KYAT3: variants seen among roughly 807,000 people sequenced by gnomAD.
The protein encoded by KYAT3 is kynurenine--oxoglutarate transaminase 3.
KYAT3 carries 50 observed loss-of-function variants against 59.0 expected under a neutral mutation model. The observed-to-expected ratio is 0.85, with a 90% CI of 0.68 to 1.07. The LOEUF (loss-of-function observed/expected upper bound fraction) is 1.07, where lower values mean the gene tolerates loss of function less well. Ranked by LOEUF, KYAT3 falls within the 50% of genes least tolerant of loss-of-function variation. KYAT3 has a pLI of 0.00. For synonymous variants in KYAT3, 148 were observed against 177.0 expected, an observed-to-expected ratio of 0.84 and a Z score of 1.30; for missense variants, 497 against 533.3, an observed-to-expected ratio of 0.93 and a Z score of 0.67.
chr1:88,928,282 G>A, the KYAT3 span, among the ~76,000 whole-genome samples: 1 of 152,038 alleles, frequency 6.6e-6, no homozygotes, highest in Admixed American at 6.6e-5. Flanking sequence ...AAAAACTTCA[G>A]AAGTCCTCCT....
At position 88,953,171 on chromosome 1, in the gene KYAT3, A is replaced by G. The variant is rs1478071009; in HGVS notation, c.865-19T>C. The G allele has an allele frequency of 6.5e-7, 1 of 1,543,510 alleles. No individual in the cohort carries two copies. Among genetic ancestry groups the G allele is most frequent in the African/African-American group, 1.4e-5 (1 of 73,334 alleles). On this transcript the variant is annotated intron_variant, in intron 9 of 13. Transcript: ENST00000260508. ...AGCCAAGCTGGGAAAGGAAAAGATA[A>G]AAGATTTCAGAAAATCTAATTGTAT...
At chr1:88,929,314 C>T in the KYAT3 span, among the ~76,000 whole-genome samples, 8 of 152,052 alleles carry the variant, frequency 5.3e-5, no homozygotes, top group Non-Finnish European at 7.4e-5. Flanking sequence ...GGCCGTTGTC[C>T]CTCTATACCC....
the KYAT3 span, among the ~76,000 whole-genome samples, chr1:88,924,932 G>C: frequency 6.6e-6 from 1 of 152,106 alleles, no homozygotes; most frequent in Non-Finnish European, 1.5e-5. Flanking sequence ...GAATCCGTGA[G>C]GCCAAGAACC....
At chr1:88,927,643 C>A in the KYAT3 span, among the ~76,000 whole-genome samples, 1 of 150,822 alleles carries the variant, frequency 6.6e-6, no homozygotes, top group African/African-American at 2.4e-5. Context: ...CAAAGAGTAC[C>A]AGTATTCCCC....
Position 88,961,419 on chromosome 1 carries a change from C to A in KYAT3, c.628G>T (p.Ala210Ser). Residue 210 changes from alanine to serine, a missense_variant, in exon 7 of 14, where the codon GCT (alanine) becomes TCT (serine). Coordinates refer to ENST00000260508, the MANE Select transcript of KYAT3 (RefSeq NM_001008661.3). ...TTATGTGGAGTATTTAGTATAATAG[C>A]TTTGGTTTTGGAATTAAATTTACTT... ...LESKFNSKTK[A>S]IILNTPHNPL... 1.2e-6 allele frequency: 2 copies of A among 1,613,926 alleles called. No individual in the cohort carries two copies. The highest frequency in any genetic ancestry group is 1.7e-6 in the Non-Finnish European group (2 of 1,179,908).
rs373203236 is a variant in KYAT3, at chr1:88,961,117, A to G, written c.787+50T>C. On this transcript the variant is annotated intron_variant, in intron 8 of 13. Coordinates refer to ENST00000260508, the MANE Select transcript of KYAT3 (RefSeq NM_001008661.3). Reference sequence around the variant, plus strand: ...GGGATGCTTTCCAATCAGTTCTTCCATATGTGCCCAAACACATTTAGATAT... The same window carrying G: ...GGGATGCTTTCCAATCAGTTCTTCCGTATGTGCCCAAACACATTTAGATAT... The G allele has an allele frequency of 3.1e-6, 5 of 1,602,964 alleles. No individual in the cohort carries two copies. The South Asian group carries it at 3.3e-5, about 11-fold the overall frequency.
intron 11 of KYAT3, among the ~76,000 whole-genome samples, chr1:88,948,646 C>T (rs1675541576): frequency 6.6e-6 from 1 of 152,184 alleles, no homozygotes; most frequent in Non-Finnish European, 1.5e-5. Flanking sequence ...AAGTGTTATT[C>T]TCCCATTTAT....
At chr1:88,944,475 A>C (rs1675361545) in intron 11 of KYAT3, among the ~76,000 whole-genome samples, 1 of 152,166 alleles carries the variant, frequency 6.6e-6, no homozygotes, top group Non-Finnish European at 1.5e-5. Context: ...GCCAACAACA[A>C]ACTGCAATTT....
chr1:88,980,331 A>G (rs954318529), intron 2 of KYAT3: 2 of 152,632 alleles, frequency 1.3e-5, no homozygotes, highest in African/African-American at 4.8e-5. Context: ...AAAAGCTGCC[A>G]GAGTATTCTG....
chr1:88,926,909 C>A, the KYAT3 span, among the ~76,000 whole-genome samples: 6 of 152,278 alleles, frequency 3.9e-5, no homozygotes, highest in Non-Finnish European at 7.4e-5. Flanking sequence ...TTATGAAATA[C>A]TCAGGAACCC....
chr1:88,926,489 T>A, the KYAT3 span, among the ~76,000 whole-genome samples: 2 of 152,210 alleles, frequency 1.3e-5, no homozygotes, highest in African/African-American at 4.8e-5. Flanking sequence ...AATTTTTCTT[T>A]ACTTTTTGTA....
intron 2 of KYAT3, among the ~76,000 whole-genome samples, chr1:88,984,986 G>A (rs1274312733): frequency 1.3e-5 from 2 of 152,170 alleles, no homozygotes; most frequent in Non-Finnish European, 2.9e-5. Context: ...TTTAGCACAT[G>A]TTCATTTTTA....
chr1:88,976,155 G>A (rs1557700760), intron 2 of KYAT3, among the ~76,000 whole-genome samples: 3 of 151,640 alleles, frequency 2.0e-5, no homozygotes, highest in African/African-American at 7.3e-5. Flanking sequence ...TCAGGAGTTC[G>A]AGACCAGCCT....
At chr1:88,977,293 C>T (rs1676829889) in intron 2 of KYAT3, among the ~76,000 whole-genome samples, 1 of 152,214 alleles carries the variant, frequency 6.6e-6, no homozygotes, top group Admixed American at 6.5e-5. Flanking sequence ...CCTCCACCTC[C>T]CGGGTTCAAG....
intron 10 of KYAT3, 152 bp downstream of exon 10, chr1:88,952,911 G>T: frequency 1.8e-6 from 1 of 552,378 alleles, no homozygotes; most frequent in Non-Finnish European, 3.2e-6. Flanking sequence ...TGATAACAGT[G>T]AATATGTATC....
the KYAT3 span, among the ~76,000 whole-genome samples, chr1:88,930,440 C>T: frequency 6.6e-6 from 1 of 152,168 alleles, no homozygotes; most frequent in Non-Finnish European, 1.5e-5. Flanking sequence ...AGTAATTGCT[C>T]AAACCTGCGC....
At chr1:88,923,987 C>T in the KYAT3 span, 3 of 161,524 alleles carry the variant, frequency 1.9e-5, no homozygotes, top group African/African-American at 7.2e-5. Flanking sequence ...ACGAAAGACC[C>T]AAAACTGGTG....
At chr1:88,947,121 A>C (rs542219599) in intron 11 of KYAT3, among the ~76,000 whole-genome samples, 2 of 152,202 alleles carry the variant, frequency 1.3e-5, no homozygotes, top group Admixed American at 1.3e-4. Context: ...AGCTAGATAC[A>C]ACCTACTTGA....
chr1:88,952,701 C>G (rs1479310129), intron 10 of KYAT3, among the ~76,000 whole-genome samples: 1 of 152,164 alleles, frequency 6.6e-6, no homozygotes, highest in Non-Finnish European at 1.5e-5. Flanking sequence ...TCAGGTATTT[C>G]TTTACCTAAG....
Sources: allele counts gnomAD v4.1 joint callset (sites outside exome capture counted in the v4.1 genomes callset), GRCh38; gene constraint gnomAD v4.1.1; transcripts MANE v1.5; gene names NCBI Gene and HGNC (gene_info 2026-07-23, HGNC 2026-07-21).